PPAN: variants seen among roughly 807,000 people sequenced by gnomAD.
PPAN encodes peter pan homolog.
Under a neutral mutation model 48.5 loss-of-function variants are expected in PPAN, and 39 were observed. That is an observed-to-expected ratio of 0.80 (90% CI 0.62 to 1.05). The LOEUF (loss-of-function observed/expected upper bound fraction) is 1.05, where lower values mean the gene tolerates loss of function less well. Among genes scored for constraint, PPAN ranks in the 50% least tolerant of loss-of-function variants. The pLI, the probability that PPAN is intolerant of heterozygous loss-of-function variation, is 0.00. For synonymous variants in PPAN, 315 were observed against 268.6 expected (o/e 1.17, Z -1.69); for missense variants, 736 against 661.7 (o/e 1.11, Z -1.23).
rs753519498 is a variant in PPAN at position 10,111,197 on chromosome 19, G to A, written c.*32G>A. 5 of 1,517,484 alleles carry A rather than the reference G, an allele frequency of 3.3e-6. No homozygotes were observed. In the South Asian group the frequency reaches 6.1e-5, roughly 18 times the overall value. 94.0% of individuals were successfully genotyped at this position (1,517,484 alleles called of 1,614,324 possible). ...GCCGCACCGGAGCAGCGGCTGGATT[G>A]AACGCCCCAGATTGGGGCCCGAGAT... On this transcript the variant is annotated 3_prime_UTR_variant, in exon 12 of 12. Coordinates refer to ENST00000253107, the MANE Select transcript of PPAN (RefSeq NM_020230.7).
At position 10,110,645 on chromosome 19, in the gene PPAN, AG is replaced by A. The variant is rs564974198; in HGVS notation, c.1031+38del. 101 of 1,610,626 alleles carry A rather than the reference AG, an allele frequency of 6.3e-5. No homozygotes were observed. The African/African-American group carries it at 9.1e-4, about 14-fold the overall frequency. ...GGCAGAGCTGGGAAGGGCAGGGCCAAGGGGGGGTCCCTGGGATGGGCGGCTA... is the reference window on the plus strand; with the variant it reads ...GGCAGAGCTGGGAAGGGCAGGGCCAAGGGGGGTCCCTGGGATGGGCGGCTA... On this transcript the variant is annotated intron_variant, in intron 10 of 11. Coordinates refer to ENST00000253107, the MANE Select transcript of PPAN (RefSeq NM_020230.7). The surrounding 1 kb of genome is among the most constrained non-coding windows in gnomAD (Gnocchi z 5.9).
intron 5 of PPAN, 102 bp from the exon 6 acceptor site, chr19:10,109,529 C>G (rs2088965431): frequency 1.5e-6 from 2 of 1,324,084 alleles, no homozygotes; most frequent in African/African-American, 3.0e-5. Context: ...CATTTCTAGC[C>G]AGTGCCACAG....
chr19:10,106,734 A>G (rs545316381), intron 2 of PPAN, 63 bp downstream of exon 2: 39 of 1,477,248 alleles, frequency 2.6e-5, no homozygotes, highest in African/African-American at 8.4e-5. Flanking sequence ...AGCTGCAGTA[A>G]TGGCTCCCGC....
Position 10,107,488 on chromosome 19 carries a change from C to T in PPAN, c.190-17C>T, listed in dbSNP as rs779529233. 15 of 1,608,944 alleles carry T rather than the reference C, an allele frequency of 9.3e-6. No homozygotes were observed. The highest frequency in any genetic ancestry group is 8.8e-5 in the South Asian group (8 of 90,598). ...GGGATAAGCTATGTTTTCTTTTTTTCTTTTTGTCATTTCCAGGTTCGTAAG... is the reference window on the plus strand; with the variant it reads ...GGGATAAGCTATGTTTTCTTTTTTTTTTTTTGTCATTTCCAGGTTCGTAAG... On this transcript the variant is annotated splice_polypyrimidine_tract_variant and intron_variant, in intron 2 of 11. Coordinates refer to ENST00000253107, the MANE Select transcript of PPAN (RefSeq NM_020230.7).
chr19:10,107,253 A>G (rs2088861445), intron 2 of PPAN, among the ~76,000 whole-genome samples: 1 of 152,206 alleles, frequency 6.6e-6, no homozygotes, highest in Non-Finnish European at 1.5e-5. Context: ...CCAGTATCTG[A>G]TGCAAGTTAC....
At position 10,110,670 on chromosome 19, in the gene PPAN, T is replaced by A; in HGVS notation, c.1032-27T>A. On this transcript the variant is annotated intron_variant, in intron 10 of 11. Transcript: ENST00000253107. The surrounding 1 kb of genome is among the most constrained non-coding windows in gnomAD (Gnocchi z 5.9). Reference sequence around the variant, plus strand: ...AGGGGGGGTCCCTGGGATGGGCGGCTATGTTGACCCCCACGCCCTCCTCCA... The same window carrying A: ...AGGGGGGGTCCCTGGGATGGGCGGCAATGTTGACCCCCACGCCCTCCTCCA... 6.2e-7 allele frequency: 1 copy of A among 1,611,858 alleles called. No individual in the cohort carries two copies. Among genetic ancestry groups the A allele is most frequent in the Non-Finnish European group, 8.5e-7 (1 of 1,179,028 alleles).
rs879731786 is a variant in PPAN, at chr19:10,111,164, G to C, written c.1421G>C (p.Ter474SerextTer11). Residue 474 changes from the stop codon to serine (S), a stop_lost, in exon 12 of 12, where the codon TGA (stop) becomes TCA (serine). Transcript: ENST00000253107. ...GGCCGCCCAGGGAAGAGAGTGGCCT[G>C]AGCCCAAGCCGCACCGGAGCAGCGG... ...GRGRPGKRVA[*>S] 1.9e-6 allele frequency: 3 copies of C among 1,579,548 alleles called. No homozygotes were observed. The African/African-American group carries it at 4.1e-5, about 21-fold the overall frequency.
Position 10,108,069 on chromosome 19 carries a change from G to A in PPAN, c.448G>A (p.Gly150Ser). 3.1e-6 allele frequency: 5 copies of A among 1,614,072 alleles called. No individual in the cohort carries two copies. The highest frequency in any genetic ancestry group is 4.2e-6 in the Non-Finnish European group (5 of 1,180,000). ...GGTACTCAACAGCTTTGGCCCCCAT[G>A]GTATGCATGTGAAGCTCATGGCCAC... ...LLVLNSFGPH[G>S]MHVKLMATMF... The change falls in exon 5 of 12, where the codon GGT becomes AGT. Residue 150 changes from glycine (G) to serine (S), a missense_variant. Gly to Ser is a moderately conservative substitution (Grantham distance 56). Transcript: ENST00000253107.
chr19:10,110,666 C>T lies in PPAN; in HGVS notation c.1032-31C>T, dbSNP rs375001229. 3.2e-5 allele frequency: 51 copies of T among 1,611,484 alleles called. No individual in the cohort carries two copies. Among genetic ancestry groups the T allele is most frequent in the East Asian group, 4.5e-5 (2 of 44,840 alleles). On this transcript the variant is annotated intron_variant, in intron 10 of 11. Coordinates refer to ENST00000253107, the MANE Select transcript of PPAN (RefSeq NM_020230.7). The surrounding 1 kb of genome is among the most constrained non-coding windows in gnomAD (Gnocchi z 5.9). ...GCCAAGGGGGGGTCCCTGGGATGGG[C>T]GGCTATGTTGACCCCCACGCCCTCC...
rs1405295525 is a variant in PPAN, at chr19:10,107,814, G to A, written c.302G>A (p.Arg101His). The change falls in exon 4 of 12, where the codon CGC becomes CAC. Residue 101 changes from arginine (R) to histidine (H), a missense_variant. Transcript: ENST00000253107. ...TETNVYFKLM[R>H]LPGGPTLTFQ... ...TTTCTTCTCCTGCAGAAGCTGATGCGCCTCCCAGGAGGCCCCACCTTGACC... is the reference window on the plus strand; with the variant it reads ...TTTCTTCTCCTGCAGAAGCTGATGCACCTCCCAGGAGGCCCCACCTTGACC... 1.9e-6 allele frequency: 3 copies of A among 1,613,662 alleles called. No individual in the cohort carries two copies. The highest frequency in any genetic ancestry group is 1.1e-5 in the South Asian group (1 of 91,068).
chr19:10,111,786 C>T lies in PPAN; in HGVS notation c.*621C>T. On this transcript the variant is annotated 3_prime_UTR_variant, in exon 12 of 12. Coordinates refer to ENST00000253107, the MANE Select transcript of PPAN (RefSeq NM_020230.7). Reference sequence around the variant, plus strand: ...CTGTCTCTGGGGGTCTGCAGATTGTCAGGAGGTGGGGGTAGTGGGTATTGG... The same window carrying T: ...CTGTCTCTGGGGGTCTGCAGATTGTTAGGAGGTGGGGGTAGTGGGTATTGG... The T allele has an allele frequency of 1.2e-6, 2 of 1,610,312 alleles. No homozygotes were observed. Among genetic ancestry groups the T allele is most frequent in the Non-Finnish European group, 1.7e-6 (2 of 1,177,536 alleles).
Position 10,111,763 on chromosome 19 carries a change from GTC to G in PPAN, c.*602_*603del, listed in dbSNP as rs2089087022. ...CGGGTAAGGAGAAGGCATGTTGGCT[GTC>G]TCTGGGGGTCTGCAGATTGTCAGGA... On this transcript the variant is annotated 3_prime_UTR_variant, in exon 12 of 12. Coordinates refer to ENST00000253107, the MANE Select transcript of PPAN (RefSeq NM_020230.7). 1 of 1,613,274 alleles carries G rather than the reference GTC, an allele frequency of 6.2e-7. No individual in the cohort carries two copies. The highest frequency in any genetic ancestry group is 1.3e-5 in the African/African-American group (1 of 74,978).
chr19:10,106,484 G>A lies in PPAN; in HGVS notation c.19-17G>A, dbSNP rs1032021287. ...GCCGAGGTCGCGGCGCTGACCCTTTGTCTCTCGTCGCCGCAGTCCCGGCAC... is the reference window on the plus strand; with the variant it reads ...GCCGAGGTCGCGGCGCTGACCCTTTATCTCTCGTCGCCGCAGTCCCGGCAC... On this transcript the variant is annotated splice_polypyrimidine_tract_variant and intron_variant, in intron 1 of 11. Coordinates refer to ENST00000253107, the MANE Select transcript of PPAN (RefSeq NM_020230.7). 6 of 1,549,436 alleles carry A rather than the reference G, an allele frequency of 3.9e-6. No individual in the cohort carries two copies. In the African/African-American group the frequency reaches 8.2e-5, roughly 21 times the overall value.
Position 10,106,739 on chromosome 19 carries a change from T to C in PPAN, c.189+68T>C, listed in dbSNP as rs2088841940. 3.0e-5 allele frequency: 44 copies of C among 1,470,350 alleles called. 2 individuals carry two copies. In the South Asian group the frequency reaches 5.7e-4, roughly 19 times the overall value. 91.1% of individuals were successfully genotyped at this position (1,470,350 alleles called of 1,614,324 possible). Reference sequence around the variant, plus strand: ...TAGTCTTCGTAGCTGCAGTAATGGCTCCCGCTGTAAAACTGTGGGAGGACT... The same window carrying C: ...TAGTCTTCGTAGCTGCAGTAATGGCCCCCGCTGTAAAACTGTGGGAGGACT... On this transcript the variant is annotated intron_variant, in intron 2 of 11. Coordinates refer to ENST00000253107, the MANE Select transcript of PPAN (RefSeq NM_020230.7).
At chr19:10,106,358 C>T (rs1397023380), upstream of PPAN, 19 of 1,548,642 alleles carry the variant, frequency 1.2e-5, no homozygotes, top group East Asian at 1.7e-4. Context: ...GCGCCGGAAG[C>T]GGCGGACGCA....
Position 10,110,376 on chromosome 19 carries a change from A to G in PPAN, c.875A>G (p.Glu292Gly), listed in dbSNP as rs936201623. The change falls in exon 9 of 12, where the codon GAG (glutamate) becomes GGG (glycine). Residue 292 changes from glutamate (E) to glycine (G), a missense_variant. Coordinates refer to ENST00000253107, the MANE Select transcript of PPAN (RefSeq NM_020230.7). This position sits in a 1 kb window ranked among gnomAD's most constrained non-coding sequence, Gnocchi z 5.9. The part of the protein sequence containing the change: ...QLIKVQEGVG[E>G]GKVMFHSFVS... ...ATCAAGGTCCAGGAGGGCGTCGGGGAGGGCAAAGTGATGTTCCACAGTTTT... is the reference window on the plus strand; with the variant it reads ...ATCAAGGTCCAGGAGGGCGTCGGGGGGGGCAAAGTGATGTTCCACAGTTTT... 1 of 1,613,238 alleles carries G rather than the reference A, an allele frequency of 6.2e-7. No homozygotes were observed. Among genetic ancestry groups the G allele is most frequent in the Non-Finnish European group, 8.5e-7 (1 of 1,179,890 alleles).
At position 10,110,744 on chromosome 19, in the gene PPAN, A is replaced by G; in HGVS notation, c.1079A>G (p.Asp360Gly). 1 of 1,613,938 alleles carries G rather than the reference A, an allele frequency of 6.2e-7. No individual in the cohort carries two copies. The highest frequency in any genetic ancestry group is 8.5e-7 in the Non-Finnish European group (1 of 1,179,976). Residue 360 changes from aspartate to glycine, a missense_variant, in exon 11 of 12, where the codon GAT becomes GGT. Coordinates refer to ENST00000253107, the MANE Select transcript of PPAN (RefSeq NM_020230.7). This position sits in a 1 kb window ranked among gnomAD's most constrained non-coding sequence, Gnocchi z 5.9. ...GMKKARVGGS[D>G]EEASGIPSRT... ...AAGAAGGCACGGGTCGGGGGTAGTG[A>G]TGAAGAGGCCTCTGGGATCCCTTCA...
rs2145200207 is a variant in PPAN, at chr19:10,107,800, G to A, written c.292-4G>A. On this transcript the variant is annotated splice_polypyrimidine_tract_variant and splice_region_variant and intron_variant, in intron 3 of 11. Transcript: ENST00000253107. ...AGAGTCACTGATCTTTTCTTCTCCT[G>A]CAGAAGCTGATGCGCCTCCCAGGAG... The A allele has an allele frequency of 6.2e-7, 1 of 1,613,652 alleles. No individual in the cohort carries two copies.
Position 10,110,944 on chromosome 19 carries a change from G to C in PPAN, c.1202-1G>C, listed in dbSNP as rs1006400026. 1 of 1,613,506 alleles carries C rather than the reference G, an allele frequency of 6.2e-7. No individual in the cohort carries two copies. Among genetic ancestry groups the C allele is most frequent in the East Asian group, 2.2e-5 (1 of 44,826 alleles). On this transcript the variant is annotated splice_acceptor_variant, in intron 11 of 11. Transcript: ENST00000253107. LOFTEE classifies it high-confidence loss of function. The surrounding 1 kb of genome is among the most constrained non-coding windows in gnomAD (Gnocchi z 5.9). ...GGCCCTGACACTGTCTCTCCCCACA[G>C]ACCTGTTCCCCGAGGCCAAGCAGAA... is the stretch of plus-strand genomic sequence containing the variant.
Sources: gnomAD v4.1 joint callset for allele counts (sites outside exome capture counted in the v4.1 genomes callset) on GRCh38, gnomAD v4.1.1 for gene constraint, Gnocchi (gnomAD v3.1) non-coding constraint, MANE v1.5 for transcripts, NCBI Gene and HGNC (gene_info 2026-07-23, HGNC 2026-07-21) for gene names.